The following TTLL9 variants were observed in gnomAD, a reference collection of about 807,000 sequenced individuals.
TTLL9 encodes the protein tubulin tyrosine ligase like 9, also known as probable tubulin polyglutamylase TTLL9.
A neutral mutation model predicts 65.6 loss-of-function variants in TTLL9; 47 were observed. The observed-to-expected ratio is 0.72, with a 90% CI of 0.57 to 0.91. The LOEUF is 0.91. Among genes scored for constraint, TTLL9 ranks in the 40% least tolerant of loss-of-function variants. The pLI is 0.00. For synonymous variants in TTLL9, 179 were observed against 204.8 expected (o/e 0.87, Z 1.07); for missense variants, 537 against 568.8 (o/e 0.94, Z 0.57).
chr20:31,871,025 C>A, intron 1 of TTLL9, 76 bp downstream of exon 1: 1 of 1,154,422 alleles, frequency 8.7e-7, no homozygotes, highest in Non-Finnish European at 1.3e-6. Flanking sequence ...CCTTTCCCAT[C>A]CATTCTCCCA....
At chr20:31,889,970 CTCTCTTTCTTTCTT>C (rs1160401085) in intron 3 of TTLL9, among the ~76,000 whole-genome samples, 15 of 133,760 alleles carry the variant, frequency 1.1e-4, no homozygotes, top group Admixed American at 9.6e-4. Flanking sequence ...AGCCACATCT[CTCTCTTTCTTTCTT>C]TCTTTCTTTC....
Position 31,937,500 on chromosome 20 carries a change from T to C in TTLL9, c.1109T>C (p.Met370Thr). Residue 370 changes from methionine (M) to threonine (T), a missense_variant, in exon 13 of 15, where the codon ATG (methionine) becomes ACG (threonine). Met to Thr is a moderately conservative substitution (Grantham distance 81). Transcript: ENST00000535842. Reference sequence around the variant, plus strand: ...GAAGACACCCTGCATGTTGTGGACATGGAAGCGAGGTGAGGGAGGGCAGCC... The same window carrying C: ...GAAGACACCCTGCATGTTGTGGACACGGAAGCGAGGTGAGGGAGGGCAGCC... Reference protein sequence around the residue: ...LLEDTLHVVDMEARLTGREKR... With the variant: ...LLEDTLHVVDTEARLTGREKR... The C allele has an allele frequency of 1.2e-6, 2 of 1,613,344 alleles. No individual in the cohort carries two copies. Among genetic ancestry groups the C allele is most frequent in the Non-Finnish European group, 1.7e-6 (2 of 1,179,538 alleles).
At chr20:31,906,523 GTGAT>G (rs1568783851) in intron 4 of TTLL9, among the ~76,000 whole-genome samples, 2 of 152,174 alleles carry the variant, frequency 1.3e-5, no homozygotes, top group East Asian at 3.8e-4. Flanking sequence ...TCATCCCAAG[GTGAT>G]GGTGATGTCT....
chr20:31,908,653 C>G lies in TTLL9; in HGVS notation c.269C>G (p.Thr90Ser). 2 of 1,614,164 alleles carry G rather than the reference C, an allele frequency of 1.2e-6. No individual in the cohort carries two copies. Among genetic ancestry groups the G allele is most frequent in the Non-Finnish European group, 1.7e-6 (2 of 1,180,030 alleles). The change falls in exon 5 of 15, where the codon ACC becomes AGC. Residue 90 changes from threonine to serine, a missense_variant. This residue lies in a region of TTLL9 where 320 missense variants were observed against 311.0 expected (regional missense o/e 1.03). Coordinates refer to ENST00000535842, the MANE Select transcript of TTLL9 (RefSeq NM_001008409.5). ...VSWLRENFDH[T>S]YMDEHVRISH... is the part of the protein sequence containing the mutation. ...TGGCTCCGGGAGAACTTCGACCACACCTACATGGATGAACATGTGCGGATC... is the reference window on the plus strand; with the variant it reads ...TGGCTCCGGGAGAACTTCGACCACAGCTACATGGATGAACATGTGCGGATC...
In TTLL9 at chr20:31,943,801, C is replaced by A. The variant is rs190649769; in HGVS notation, c.*780C>A. The A allele has an allele frequency of 2.2e-6, 1 of 456,658 alleles. No individual in the cohort carries two copies. The highest frequency in any genetic ancestry group is 2.0e-5 in the African/African-American group (1 of 50,166). 28.3% of individuals were successfully genotyped at this position (456,658 alleles called of 1,614,324 possible). A position where few individuals can be genotyped will look rare whatever the true frequency, so the allele number is the denominator to read the frequency against. ...TGAGATTGGGAGCTGAGCCAGAAAC[C>A]GGAAAACCCTGGGCTCATGGGCAGG... is the stretch of plus-strand genomic sequence containing the variant. On this transcript the variant is annotated 3_prime_UTR_variant, in exon 15 of 15. Transcript: ENST00000535842.
At chr20:31,940,263 T>C (rs1047445957) in intron 14 of TTLL9, 6 of 152,212 alleles carry the variant, frequency 3.9e-5, no homozygotes, top group African/African-American at 1.4e-4. Context: ...TGACTCGTTG[T>C]TTTATGTGCA....
intron 2 of TTLL9, among the ~76,000 whole-genome samples, chr20:31,878,810 T>C (rs1439214670): frequency 2.0e-5 from 3 of 152,252 alleles, no homozygotes; most frequent in African/African-American, 7.2e-5. Context: ...ATGATAACTT[T>C]GTCTCTTTCT....
intron 6 of TTLL9, among the ~76,000 whole-genome samples, chr20:31,917,242 C>T (rs1210280890): frequency 6.6e-6 from 1 of 152,184 alleles, no homozygotes; most frequent in Non-Finnish European, 1.5e-5. Flanking sequence ...TCACTCACAA[C>T]CCCCCAAGGC....
At chr20:31,934,325 C>A in intron 11 of TTLL9, 1 of 518,150 alleles carries the variant, frequency 1.9e-6, no homozygotes, top group Non-Finnish European at 3.7e-6. Flanking sequence ...TCCCCAGCTC[C>A]ATCCCACAGT....
intron 4 of TTLL9, among the ~76,000 whole-genome samples, chr20:31,900,925 C>T (rs2063468993): frequency 6.6e-6 from 1 of 152,142 alleles, no homozygotes; most frequent in Non-Finnish European, 1.5e-5. Context: ...TGTGGGAGCC[C>T]AGAAGCAGGG....
intron 4 of TTLL9, among the ~76,000 whole-genome samples, chr20:31,900,611 G>A (rs963397284): frequency 2.6e-5 from 4 of 152,234 alleles, no homozygotes; most frequent in Non-Finnish European, 4.4e-5. Flanking sequence ...AACAATGACA[G>A]TGATGTTGAG....
In TTLL9 at chr20:31,944,254, C is replaced by T. The variant is rs763102638; in HGVS notation, c.*1233C>T. ...GGAATGCGATTAGCTTTTTTTGGCC[C>T]AGCACCCACCCTGCCAGGGAGGAAG... On this transcript the variant is annotated 3_prime_UTR_variant, in exon 15 of 15. Transcript: ENST00000535842. 1.3e-5 allele frequency: 2 copies of T among 158,212 alleles called. No individual in the cohort carries two copies. Among genetic ancestry groups the T allele is most frequent in the Non-Finnish European group, 2.8e-5 (2 of 71,338 alleles). 9.8% of individuals were successfully genotyped at this position (158,212 alleles called of 1,614,324 possible). A position where few individuals can be genotyped will look rare whatever the true frequency, so the allele number is the denominator to read the frequency against.
At chr20:31,879,103 A>C (rs986435251) in intron 2 of TTLL9, among the ~76,000 whole-genome samples, 1 of 152,142 alleles carries the variant, frequency 6.6e-6, no homozygotes, top group African/African-American at 2.4e-5. Flanking sequence ...CAGGTGGATC[A>C]TGAGGTCAGG....
chr20:31,892,420 T>C (rs1054461738), intron 3 of TTLL9, among the ~76,000 whole-genome samples: 2 of 152,188 alleles, frequency 1.3e-5, no homozygotes, highest in African/African-American at 4.8e-5. Flanking sequence ...TCCACCTGCT[T>C]CGGCCTCCCA....
Position 31,896,238 on chromosome 20 carries a change from G to A in TTLL9, c.114-2235G>A, listed in dbSNP as rs556024770. On this transcript the variant is annotated intron_variant, in intron 3 of 14. Transcript: ENST00000535842. ...AATGATCTGCCCGCCTCAGCCTCCC[G>A]AAGAGCTGGGATTATAGGCGTGAGC... Among the ~76,000 whole-genome samples, 38 of 152,180 alleles carry A rather than the reference G, an allele frequency of 2.5e-4. No homozygotes were observed. In the East Asian group the frequency reaches 3.7e-3, roughly 15 times the overall value.
At chr20:31,931,911 T>C (rs1479437975) in intron 10 of TTLL9, among the ~76,000 whole-genome samples, 1 of 152,268 alleles carries the variant, frequency 6.6e-6, no homozygotes, top group Non-Finnish European at 1.5e-5. Flanking sequence ...ATCTACTTTT[T>C]CTTTTGCCAT....
chr20:31,874,937 A>C (rs1409111686), intron 2 of TTLL9, among the ~76,000 whole-genome samples: 4 of 152,182 alleles, frequency 2.6e-5, no homozygotes, highest in African/African-American at 7.2e-5. Context: ...CCTAGAGTTT[A>C]CGAAAGAAAC....
At chr20:31,888,423 T>C (rs1274139655) in intron 3 of TTLL9, among the ~76,000 whole-genome samples, 1 of 152,228 alleles carries the variant, frequency 6.6e-6, no homozygotes, top group Admixed American at 6.5e-5. Flanking sequence ...TTAACAGGCC[T>C]GTGTTAGGCT....
chr20:31,911,749 G>A (rs955608572), intron 6 of TTLL9, among the ~76,000 whole-genome samples: 1 of 152,052 alleles, frequency 6.6e-6, no homozygotes, highest in Non-Finnish European at 1.5e-5. Context: ...TCCATTCCCA[G>A]CCCACAGCCT....
Sources: allele counts gnomAD v4.1 joint callset (sites outside exome capture counted in the v4.1 genomes callset), GRCh38; gene constraint gnomAD v4.1.1; regional missense constraint gnomAD v4.1.1; transcripts MANE v1.5; gene names NCBI Gene and HGNC (gene_info 2026-07-23, HGNC 2026-07-21).